The following ZNF267 variants were observed in gnomAD, a reference collection of about 807,000 sequenced individuals.
ZNF267 encodes zinc finger (C2H2).
Under a neutral mutation model 71.6 loss-of-function variants are expected in ZNF267, and 61 were observed. That is an observed-to-expected ratio of 0.85 (90% CI 0.69 to 1.05). The LOEUF is 1.05. ZNF267 is among the 50% of genes least tolerant of loss of function. ZNF267 has a pLI of 0.00. For synonymous variants in ZNF267, 288 were observed against 293.2 expected (o/e 0.98, Z 0.18); for missense variants, 852 against 870.0 (o/e 0.98, Z 0.26).
At chr16:31,908,758 T>G (rs1292008323) in intron 3 of ZNF267, among the ~76,000 whole-genome samples, 1 of 152,176 alleles carries the variant, frequency 6.6e-6, no homozygotes, top group Non-Finnish European at 1.5e-5. Context: ...GGGTTCTCTA[T>G]TCTGTTGCAT....
intron 1 of ZNF267, among the ~76,000 whole-genome samples, chr16:31,875,701 CT>C (rs2142326536): frequency 6.6e-6 from 1 of 152,310 alleles, no homozygotes; most frequent in South Asian, 2.1e-4. Context: ...ATACCGTGAC[CT>C]GACTTGACAC....
intron 3 of ZNF267, among the ~76,000 whole-genome samples, chr16:31,908,867 G>A (rs2084112158): frequency 6.6e-6 from 1 of 151,924 alleles, no homozygotes; most frequent in Non-Finnish European, 1.5e-5. Context: ...CTTAAGTTTT[G>A]TTCTTTTAGC....
In ZNF267 at chr16:31,885,189, C is replaced by T. The variant is rs1463567976; in HGVS notation, c.159C>T (p.Ile53=). 1 of 1,611,276 alleles carries T rather than the reference C, an allele frequency of 6.2e-7. No individual in the cohort carries two copies. Among genetic ancestry groups the T allele is most frequent in the African/African-American group, 1.3e-5 (1 of 74,836 alleles). ...LGLVVSKPDL[I]TFLEQRKEPW... is the part of the protein sequence containing the mutation. ...TTGTTGTCTCTAAGCCGGACCTGAT[C>T]ACCTTTTTGGAACAAAGGAAAGAGC... Residue 53 remains isoleucine (I), a synonymous_variant, in exon 3 of 4, where the codon ATC becomes ATT. Coordinates refer to ENST00000300870, the MANE Select transcript of ZNF267 (RefSeq NM_003414.6).
At chr16:31,898,147 G>C (rs1332128255) in intron 3 of ZNF267, among the ~76,000 whole-genome samples, 1 of 152,146 alleles carries the variant, frequency 6.6e-6, no homozygotes, top group East Asian at 1.9e-4. Context: ...TATGGGAGCT[G>C]TGACATTAGG....
rs73526498 is a variant in ZNF267 at position 31,914,656 on chromosome 16, A to G, written c.407A>G (p.Tyr136Cys). Residue 136 changes from tyrosine (Y) to cysteine (C), a missense_variant, in exon 4 of 4, where the codon TAT (tyrosine) becomes TGT (cysteine). Tyr to Cys is a radical substitution (Grantham distance 194). Coordinates refer to ENST00000300870, the MANE Select transcript of ZNF267 (RefSeq NM_003414.6). The part of the protein sequence containing the change: ...NGCYDEKTFK[Y>C]DQFDESSVES... ...TGTTATGATGAAAAGACTTTTAAAT[A>G]TGATCAATTTGATGAATCCTCTGTT... 3.7e-6 allele frequency: 6 copies of G among 1,614,078 alleles called. No homozygotes were observed. The Admixed American group carries it at 6.7e-5, about 18-fold the overall frequency.
chr16:31,912,502 A>G (rs1000910809), intron 3 of ZNF267: 3 of 151,534 alleles, frequency 2.0e-5, no homozygotes, highest in Non-Finnish European at 4.4e-5. Context: ...TGATTATTAA[A>G]TGTCTTGAGG....
intron 3 of ZNF267, chr16:31,913,280 CT>C (rs2142363070): frequency 6.6e-6 from 1 of 152,348 alleles, no homozygotes; most frequent in Non-Finnish European, 1.5e-5. Flanking sequence ...GACTCTTGTT[CT>C]CTTCCCTTAG....
chr16:31,904,182 TTGCTGAGGAG>T (rs2084067165), intron 3 of ZNF267, among the ~76,000 whole-genome samples: 1 of 152,244 alleles, frequency 6.6e-6, no homozygotes, highest in Non-Finnish European at 1.5e-5. Flanking sequence ...TCTTTTACAT[TTGCTGAGGAG>T]TGCTTTACTT....
rs1336139181 is a variant in ZNF267 at position 31,900,057 on chromosome 16, TGTGTA to T, written c.227-14413_227-14409del. Reference sequence around the variant, plus strand: ...TATTTATATATATATATAAACTGTGTGTGTAGTGTATTCATTTCCACAAGATACTG... The same window carrying T: ...TATTTATATATATATATAAACTGTGTGTGTATTCATTTCCACAAGATACTG... On this transcript the variant is annotated intron_variant, in intron 3 of 3. Coordinates refer to ENST00000300870, the MANE Select transcript of ZNF267 (RefSeq NM_003414.6). Among the ~76,000 whole-genome samples the T allele has an allele frequency of 2.0e-5, 3 of 152,046 alleles. No individual in the cohort carries two copies. In the East Asian group the frequency reaches 5.8e-4, roughly 29 times the overall value.
In ZNF267 at chr16:31,905,724, G is replaced by A. The variant is rs544128939; in HGVS notation, c.227-8752G>A. Among the ~76,000 whole-genome samples the A allele has an allele frequency of 4.6e-5, 7 of 152,146 alleles. No homozygotes were observed. The South Asian group carries it at 1.2e-3, about 27-fold the overall frequency. ...CAAGGTTTTTAACTTCTTTGCCATG[G>A]GTTCGAACTTCCTCGTTTAGCTCAG... On this transcript the variant is annotated intron_variant, in intron 3 of 3. Transcript: ENST00000300870.
chr16:31,908,960 A>G (rs1287416131), intron 3 of ZNF267, among the ~76,000 whole-genome samples: 2 of 151,914 alleles, frequency 1.3e-5, no homozygotes, highest in South Asian at 4.1e-4. Context: ...GAAGAATGTC[A>G]TTAGTATTTT....
chr16:31,887,300 G>A (rs1463071714), intron 3 of ZNF267, among the ~76,000 whole-genome samples: 2 of 139,974 alleles, frequency 1.4e-5, no homozygotes, highest in African/African-American at 2.7e-5. Flanking sequence ...TTAATATTTT[G>A]GATATAAAAC....
At chr16:31,894,975 A>C (rs1225947204) in intron 3 of ZNF267, 2 of 334,046 alleles carry the variant, frequency 6.0e-6, no homozygotes, top group African/African-American at 2.2e-5. Context: ...TCTAGCATGC[A>C]GACCATCAAT....
At chr16:31,902,566 A>T (rs1015805340) in intron 3 of ZNF267, among the ~76,000 whole-genome samples, 56 of 151,878 alleles carry the variant, frequency 3.7e-4, no homozygotes, top group Admixed American at 1.1e-3. Flanking sequence ...TGTGAATGGG[A>T]GTTCACTCAT....
At position 31,905,786 on chromosome 16, in the gene ZNF267, C is replaced by T. The variant is rs551719400; in HGVS notation, c.227-8690C>T. ...TGTCTGACGCCTTCTTCTCTCACCTCGTCAAAGTCATTCTCCGTCCAGCTT... is the reference window on the plus strand; with the variant it reads ...TGTCTGACGCCTTCTTCTCTCACCTTGTCAAAGTCATTCTCCGTCCAGCTT... On this transcript the variant is annotated intron_variant, in intron 3 of 3. Transcript: ENST00000300870. Among the ~76,000 whole-genome samples, 16 of 152,314 alleles carry T rather than the reference C, an allele frequency of 1.1e-4. No homozygotes were observed. The South Asian group carries it at 1.7e-3, about 16-fold the overall frequency.
chr16:31,894,003 G>A (rs1200981643), intron 3 of ZNF267, among the ~76,000 whole-genome samples: 1 of 152,230 alleles, frequency 6.6e-6, no homozygotes, highest in Non-Finnish European at 1.5e-5. Flanking sequence ...GTGGGTTATA[G>A]CTAAGTCTAC....
chr16:31,916,996 A>G lies in ZNF267; in HGVS notation c.*515A>G, dbSNP rs2084183736. The G allele has an allele frequency of 6.5e-6, 1 of 153,768 alleles. No individual in the cohort carries two copies. The highest frequency in any genetic ancestry group is 1.4e-5 in the Non-Finnish European group (1 of 69,112). The allele number at this position is 153,768 out of a possible 1,614,324, so 9.5% of individuals were successfully genotyped here. On this transcript the variant is annotated 3_prime_UTR_variant, in exon 4 of 4. Coordinates refer to ENST00000300870, the MANE Select transcript of ZNF267 (RefSeq NM_003414.6). ...GCTTATATGTTTTAAAGTAGCAAGA[A>G]CATTGATGTTTTGACAGGTATATTT... is the stretch of plus-strand genomic sequence containing the variant.
chr16:31,905,635 A>G (rs2084083203), intron 3 of ZNF267, among the ~76,000 whole-genome samples: 1 of 152,094 alleles, frequency 6.6e-6, no homozygotes, highest in Admixed American at 6.5e-5. Flanking sequence ...TTTCAGCTCC[A>G]TCAGGTCCTT....
At chr16:31,883,216 T>A (rs756364279) in intron 1 of ZNF267, among the ~76,000 whole-genome samples, 1 of 152,082 alleles carries the variant, frequency 6.6e-6, no homozygotes, top group Non-Finnish European at 1.5e-5. Context: ...TAACAAAAAC[T>A]TGAAAAAAAA....
Sources: gnomAD v4.1 joint callset for allele counts (sites outside exome capture counted in the v4.1 genomes callset) on GRCh38, gnomAD v4.1.1 for gene constraint, MANE v1.5 for transcripts, NCBI Gene and HGNC (gene_info 2026-07-23, HGNC 2026-07-21) for gene names.